GLIS3: variants seen among roughly 807,000 people sequenced by gnomAD.
GLIS3 encodes zinc finger protein GLIS3.
In GLIS3, 53 loss-of-function variants were observed where a neutral mutation model predicts 78.6. The observed-to-expected ratio is 0.67, with a 90% CI of 0.54 to 0.85. GLIS3 has a LOEUF of 0.85. Among genes scored for constraint, GLIS3 ranks in the 40% least tolerant of loss-of-function variants. GLIS3 has a pLI of 0.00. For missense variants in GLIS3, 1,703 were observed against 1,231.1 expected (o/e 1.38, Z -5.74); for synonymous variants, 684 against 509.9 (o/e 1.34, Z -4.60).
chr9:4,164,097 A>G (rs1331176279), intron 2 of GLIS3, among the ~76,000 whole-genome samples: 1 of 152,150 alleles, frequency 6.6e-6, no homozygotes, highest in African/African-American at 2.4e-5. Flanking sequence ...GCTGGTTTTA[A>G]TTTCCCGGAT....
At chr9:4,172,931 T>A (rs1299574453) in intron 2 of GLIS3, among the ~76,000 whole-genome samples, 1 of 152,208 alleles carries the variant, frequency 6.6e-6, no homozygotes, top group Non-Finnish European at 1.5e-5. Context: ...GATGGTTGGT[T>A]GCTCTTTCGA....
chr9:3,998,666 A>G (rs1171441721), intron 4 of GLIS3, among the ~76,000 whole-genome samples: 1 of 151,406 alleles, frequency 6.6e-6, no homozygotes, highest in South Asian at 2.1e-4. Flanking sequence ...TATGTAATCT[A>G]TTTGATATAC....
At chr9:4,466,795 G>A in the GLIS3 span, among the ~76,000 whole-genome samples, 4 of 152,222 alleles carry the variant, frequency 2.6e-5, no homozygotes, top group Admixed American at 6.5e-5. Flanking sequence ...CAGACAGTGG[G>A]TGCAGCCCAC....
chr9:4,304,024 C>G (rs1179541836), upstream of GLIS3, among the ~76,000 whole-genome samples: 2 of 152,188 alleles, frequency 1.3e-5, no homozygotes, highest in African/African-American at 4.8e-5. Flanking sequence ...CTTCATATGC[C>G]TTTCATGGCC....
At chr9:4,296,829 G>A (rs1052136729) in intron 1 of GLIS3, among the ~76,000 whole-genome samples, 4 of 149,596 alleles carry the variant, frequency 2.7e-5, no homozygotes, top group African/African-American at 5.0e-5. Flanking sequence ...TGGCTGCGCA[G>A]ATGACCAGTG....
chr9:4,181,624 G>A (rs762583355), intron 2 of GLIS3, among the ~76,000 whole-genome samples: 1 of 152,206 alleles, frequency 6.6e-6, no homozygotes, highest in Non-Finnish European at 1.5e-5. Context: ...ACATGCAAGT[G>A]ACTTTGCTAT....
intron 4 of GLIS3, among the ~76,000 whole-genome samples, chr9:3,979,931 G>A (rs1819116024): frequency 6.6e-6 from 1 of 152,170 alleles, no homozygotes; most frequent in African/African-American, 2.4e-5. Context: ...CAGCAGAATG[G>A]GTCAACGTAA....
At chr9:4,106,267 A>T (rs193171570) in intron 4 of GLIS3, among the ~76,000 whole-genome samples, 75 of 152,318 alleles carry the variant, frequency 4.9e-4, no homozygotes, top group African/African-American at 1.5e-3. Flanking sequence ...ATTACACAAA[A>T]GCAGCTTTGT....
At chr9:4,010,431 G>A (rs1821908974) in intron 4 of GLIS3, among the ~76,000 whole-genome samples, 1 of 152,082 alleles carries the variant, frequency 6.6e-6, no homozygotes, top group African/African-American at 2.4e-5. Context: ...CCCTTTAGAA[G>A]CCCAGGAATA....
intron 2 of GLIS3, among the ~76,000 whole-genome samples, chr9:4,179,686 G>A (rs1481722375): frequency 6.6e-6 from 1 of 152,132 alleles, no homozygotes; most frequent in Admixed American, 6.5e-5. Flanking sequence ...GAGGCAGGCA[G>A]ATCAGCTGAG....
chr9:4,233,520 A>G (rs1026742495), intron 2 of GLIS3, among the ~76,000 whole-genome samples: 4 of 152,228 alleles, frequency 2.6e-5, no homozygotes, highest in African/African-American at 9.6e-5. Flanking sequence ...AGGTCTCAAC[A>G]GAGGACTTAA....
At chr9:4,478,572 C>T in the GLIS3 span, among the ~76,000 whole-genome samples, 273 of 151,610 alleles carry the variant, frequency 1.8e-3, 2 homozygotes, top group African/African-American at 6.5e-3. Flanking sequence ...GAGTGTGCCA[C>T]TGCATTCCAG....
intron 4 of GLIS3, among the ~76,000 whole-genome samples, chr9:4,028,754 G>C (rs1409018314): frequency 1.3e-5 from 2 of 152,116 alleles, no homozygotes; most frequent in Non-Finnish European, 1.5e-5. Flanking sequence ...GTGGCAAATG[G>C]AAATACAGAA....
chr9:4,473,038 G>T, the GLIS3 span, among the ~76,000 whole-genome samples: 1 of 152,170 alleles, frequency 6.6e-6, no homozygotes, highest in Admixed American at 6.5e-5. Context: ...TCACCACACT[G>T]CTTTCCACAA....
the GLIS3 span, among the ~76,000 whole-genome samples, chr9:4,446,803 G>T: frequency 2.6e-5 from 4 of 151,654 alleles, no homozygotes; most frequent in Non-Finnish European, 5.9e-5. Context: ...GAGCCACTGC[G>T]CCTGGTCCCA....
chr9:4,089,835 C>G (rs1829343987), intron 4 of GLIS3, among the ~76,000 whole-genome samples: 1 of 152,228 alleles, frequency 6.6e-6, no homozygotes, highest in Non-Finnish European at 1.5e-5. Flanking sequence ...AACAAAAACC[C>G]ATAAAAAATT....
intron 2 of GLIS3, among the ~76,000 whole-genome samples, chr9:4,219,086 C>G (rs964759271): frequency 7.2e-5 from 11 of 152,186 alleles, no homozygotes; most frequent in African/African-American, 2.7e-4. Flanking sequence ...ACTGATTTAC[C>G]ACAATCCTCC....
chr9:4,371,546 G>A, the GLIS3 span, among the ~76,000 whole-genome samples: 7 of 152,088 alleles, frequency 4.6e-5, no homozygotes, highest in African/African-American at 1.4e-4. Context: ...GCCTAGACTT[G>A]CCAATGGGGA....
At chr9:4,456,715 G>T in the GLIS3 span, among the ~76,000 whole-genome samples, 1 of 152,170 alleles carries the variant, frequency 6.6e-6, no homozygotes, top group Non-Finnish European at 1.5e-5. Context: ...CCATTGTAGG[G>T]TTACTTATTG....
Sources: allele counts gnomAD v4.1 joint callset (sites outside exome capture counted in the v4.1 genomes callset), GRCh38; gene constraint gnomAD v4.1.1; transcripts MANE v1.5; gene names NCBI Gene and HGNC (gene_info 2026-07-23, HGNC 2026-07-21).